BCAT1: variants seen among roughly 807,000 people sequenced by gnomAD.
BCAT1 encodes branched chain amino acid transaminase 1.
Under a neutral mutation model 52.4 loss-of-function variants are expected in BCAT1, and 48 were observed. The observed-to-expected ratio is 0.92, with a 90% CI of 0.73 to 1.16. The LOEUF (loss-of-function observed/expected upper bound fraction) is 1.16. BCAT1 is among the 50% of genes most tolerant of loss of function. The pLI is 0.00. For synonymous variants in BCAT1, 167 were observed against 161.3 expected (o/e 1.04, Z -0.27); for missense variants, 451 against 457.1 (o/e 0.99, Z 0.12).
intron 9 of BCAT1, among the ~76,000 whole-genome samples, 181 bp downstream of exon 9, chr12:24,832,542 C>T (rs557278894): frequency 2.0e-5 from 3 of 152,290 alleles, no homozygotes; most frequent in South Asian, 4.1e-4. Flanking sequence ...TGAATAGCCA[C>T]TGCACTCCAG....
chr12:24,836,404 A>G (rs1300181858), intron 8 of BCAT1, 107 bp downstream of exon 8: 1 of 929,652 alleles, frequency 1.1e-6, no homozygotes, highest in Non-Finnish European at 1.6e-6. Context: ...TAAAGATTAG[A>G]TAACATTGGT....
intron 1 of BCAT1, among the ~76,000 whole-genome samples, chr12:24,920,202 T>G (rs11047704): frequency 0.17 from 25,399 of 152,196 alleles, 2,272 homozygotes; most frequent in East Asian, 0.29. Flanking sequence ...GTGTCAGTTA[T>G]AATTGTTAAG....
intron 1 of BCAT1, among the ~76,000 whole-genome samples, chr12:24,943,860 T>A (rs1943892471): frequency 6.6e-6 from 1 of 151,942 alleles, no homozygotes; most frequent in African/African-American, 2.4e-5. Context: ...GGCGGGCGCC[T>A]GTAGTCCCAG....
chr12:24,859,931 AAT>A lies in BCAT1; in HGVS notation c.511-9984_511-9983del, dbSNP rs369231460. ...GCTTTCTTTGAGTTGTATTTGTATAAATATGTTATTGGTATGTGCTCCAAAAT... is the reference window on the plus strand; with the variant it reads ...GCTTTCTTTGAGTTGTATTTGTATAAATGTTATTGGTATGTGCTCCAAAAT... On this transcript the variant is annotated intron_variant, in intron 5 of 10. Coordinates refer to ENST00000261192, the MANE Select transcript of BCAT1 (RefSeq NM_005504.7). 5.7e-3 allele frequency among the ~76,000 whole-genome samples: 875 copies of A among 152,292 alleles called. 10 individuals are homozygous for A. The highest frequency in any genetic ancestry group is 0.019 in the African/African-American group (791 of 41,560).
intron 3 of BCAT1, among the ~76,000 whole-genome samples, chr12:24,883,927 C>T (rs1313953457): frequency 6.6e-6 from 1 of 152,206 alleles, no homozygotes; most frequent in African/African-American, 2.4e-5. Flanking sequence ...TCACTCGCAG[C>T]TGCTCACCTC....
At chr12:24,902,469 C>T in intron 1 of BCAT1, 1 of 694,396 alleles carries the variant, frequency 1.4e-6, no homozygotes, top group Non-Finnish European at 1.8e-6. Flanking sequence ...GGAAAACCTG[C>T]AGACATTTGT....
intron 9 of BCAT1, among the ~76,000 whole-genome samples, chr12:24,832,239 T>TGTA (rs1940699357): frequency 6.6e-6 from 1 of 152,164 alleles, no homozygotes; most frequent in Non-Finnish European, 1.5e-5. Context: ...AATCCCGACA[T>TGTA]GTAGGTAAGA....
chr12:24,899,046 G>T (rs1396514383), intron 2 of BCAT1, among the ~76,000 whole-genome samples: 1 of 152,178 alleles, frequency 6.6e-6, no homozygotes, highest in Non-Finnish European at 1.5e-5. Context: ...CTGCAGATTT[G>T]CAGTGTTGCA....
At chr12:24,855,953 T>A (rs1941667167) in intron 5 of BCAT1, among the ~76,000 whole-genome samples, 1 of 152,050 alleles carries the variant, frequency 6.6e-6, no homozygotes. Context: ...TAGACAAATA[T>A]CCCCTTCCTT....
intron 8 of BCAT1, chr12:24,834,121 C>T (rs527701614): frequency 8.8e-5 from 86 of 978,050 alleles, no homozygotes; most frequent in African/African-American, 6.8e-4. Flanking sequence ...CCACTGTGCA[C>T]GGCTTACCTA....
At chr12:24,884,422 C>A (rs138742694) in intron 3 of BCAT1, among the ~76,000 whole-genome samples, 1 of 152,122 alleles carries the variant, frequency 6.6e-6, no homozygotes, top group Non-Finnish European at 1.5e-5. Flanking sequence ...ACCTATCGCA[C>A]AGCATGGTGA....
chr12:24,901,864 C>A lies in BCAT1; in HGVS notation c.28G>T (p.Ala10Ser), dbSNP rs772512691. Residue 10 changes from alanine (A) to serine (S), a missense_variant, in exon 2 of 11, where the codon GCA becomes TCA. Coordinates refer to ENST00000261192, the MANE Select transcript of BCAT1 (RefSeq NM_005504.7). Reference protein sequence around the residue: MKDCSNGCSAECTGEGGSKE... With the variant: MKDCSNGCSSECTGEGGSKE... The stretch of plus-strand genomic sequence containing the variant: ...GATCCTCCTTCTCCGGTACACTCTG[C>A]GGAGCATCCGTTACTGCAATCCTTA... 3 of 1,613,974 alleles carry A rather than the reference C, an allele frequency of 1.9e-6. No individual in the cohort carries two copies. Among genetic ancestry groups the A allele is most frequent in the East Asian group, 2.2e-5 (1 of 44,886 alleles).
chr12:24,886,364 G>A (rs767764487), intron 3 of BCAT1, among the ~76,000 whole-genome samples: 4 of 152,198 alleles, frequency 2.6e-5, no homozygotes, highest in Non-Finnish European at 5.9e-5. Flanking sequence ...GCTGCAGTGA[G>A]CTGCACCCCA....
intron 1 of BCAT1, among the ~76,000 whole-genome samples, chr12:24,925,202 A>G (rs1157631673): frequency 6.6e-6 from 1 of 152,224 alleles, no homozygotes; most frequent in Non-Finnish European, 1.5e-5. Context: ...GAAGGCCTTA[A>G]CAGCAAAAAA....
At chr12:24,865,309 A>T (rs1410523719) in intron 5 of BCAT1, among the ~76,000 whole-genome samples, 2 of 152,242 alleles carry the variant, frequency 1.3e-5, no homozygotes, top group East Asian at 3.8e-4. Context: ...TCTCCATCTT[A>T]GTAACTGATT....
chr12:24,842,105 AG>A lies in BCAT1; in HGVS notation c.793del (p.Leu265PhefsTer4). On this transcript the variant is annotated frameshift_variant, in exon 7 of 11. Transcript: ENST00000261192. LOFTEE classifies it high-confidence loss of function. ...ACCTCCATCTTCATTTATCCAGTAAAGAAAAAGATTCATAGTTCCCACTTCA... is the reference window on the plus strand; with the variant it reads ...ACCTCCATCTTCATTTATCCAGTAAAAAAAAGATTCATAGTTCCCACTTCA... ...ITEVGTMNLFLYWINEDGEEE... is the reference protein window; with the variant it reads ...ITEVGTMNLFXYWINEDGEEE... The A allele has an allele frequency of 6.2e-7, 1 of 1,613,930 alleles. No individual in the cohort carries two copies. The highest frequency in any genetic ancestry group is 8.5e-7 in the Non-Finnish European group (1 of 1,179,842).
At chr12:24,876,489 C>A (rs1397255821) in intron 5 of BCAT1, among the ~76,000 whole-genome samples, 1 of 151,916 alleles carries the variant, frequency 6.6e-6, no homozygotes. Context: ...AAGTACAAAA[C>A]CACATAATCA....
At chr12:24,844,195 A>G (rs1173622022) in intron 6 of BCAT1, among the ~76,000 whole-genome samples, 2 of 151,120 alleles carry the variant, frequency 1.3e-5, no homozygotes, top group Non-Finnish European at 3.0e-5. Context: ...TGGGAGGCTG[A>G]GGTGGGCAGA....
intron 1 of BCAT1, among the ~76,000 whole-genome samples, chr12:24,946,647 A>C (rs1497256): frequency 0.043 from 6,584 of 152,294 alleles, 164 homozygotes; most frequent in Middle Eastern, 0.092. Flanking sequence ...ACGTGACTGA[A>C]GTCTCACACT....
Sources: gnomAD v4.1 joint callset for allele counts (sites outside exome capture counted in the v4.1 genomes callset) on GRCh38, gnomAD v4.1.1 for gene constraint, MANE v1.5 for transcripts, NCBI Gene and HGNC (gene_info 2026-07-23, HGNC 2026-07-21) for gene names.